NIM1K: variants seen among roughly 807,000 people sequenced by gnomAD.
NIM1K encodes the protein NIM1 serine/threonine protein kinase, also known as serine/threonine-protein kinase NIM1.
A neutral mutation model predicts 37.1 loss-of-function variants in NIM1K; 35 were observed. The observed-to-expected ratio is 0.94, with a 90% CI of 0.72 to 1.25. The LOEUF (loss-of-function observed/expected upper bound fraction) is 1.25, where lower values mean the gene tolerates loss of function less well. Among genes scored for constraint, NIM1K ranks in the 50% most tolerant of loss-of-function variants. NIM1K has a pLI of 0.00. For missense variants in NIM1K, 564 were observed against 548.0 expected, an observed-to-expected ratio of 1.03 and a Z score of -0.29; for synonymous variants, 234 against 206.6, an observed-to-expected ratio of 1.13 and a Z score of -1.14.
intron 2 of NIM1K, among the ~76,000 whole-genome samples, chr5:43,273,824 C>G (rs1051313946): frequency 2.6e-5 from 4 of 152,172 alleles, no homozygotes; most frequent in Non-Finnish European, 5.9e-5. Context: ...CCTTTCCATT[C>G]TCTGTCTGTA....
At chr5:43,254,996 CAT>C (rs1752919178) in intron 2 of NIM1K, among the ~76,000 whole-genome samples, 1 of 152,050 alleles carries the variant, frequency 6.6e-6, no homozygotes, top group Non-Finnish European at 1.5e-5. Flanking sequence ...AAAAATAAAT[CAT>C]ATATTGGAAA....
chr5:43,261,246 A>G (rs1243856533), intron 2 of NIM1K, among the ~76,000 whole-genome samples: 1 of 152,126 alleles, frequency 6.6e-6, no homozygotes, highest in Non-Finnish European at 1.5e-5. Context: ...AAGTGTTCCT[A>G]TTTATCCACA....
rs17302931 is a variant in NIM1K, at chr5:43,192,351, A to C, written c.-755A>C. On this transcript the variant is annotated 5_prime_UTR_variant, in exon 1 of 4. Coordinates refer to ENST00000326035, the MANE Select transcript of NIM1K (RefSeq NM_153361.4). ...CGACCGCTCCTGCTCCAGAGGCAACAACCCAGCGCGCCTAGCCTGGCGCCG... is the reference window on the plus strand; with the variant it reads ...CGACCGCTCCTGCTCCAGAGGCAACCACCCAGCGCGCCTAGCCTGGCGCCG... The C allele has an allele frequency of 0.097, 14,748 of 152,432 alleles. 850 individuals are homozygous for C. The highest frequency in any genetic ancestry group is 0.19 in the East Asian group (961 of 5,138). 9.4% of individuals were successfully genotyped at this position (152,432 alleles called of 1,614,324 possible).
intron 2 of NIM1K, among the ~76,000 whole-genome samples, chr5:43,271,967 C>T (rs1487487044): frequency 2.0e-5 from 3 of 152,104 alleles, no homozygotes; most frequent in African/African-American, 4.8e-5. Flanking sequence ...CCATACTTCT[C>T]GGGCAATTCA....
At chr5:43,206,186 G>A (rs1752107393) in intron 1 of NIM1K, among the ~76,000 whole-genome samples, 1 of 152,028 alleles carries the variant, frequency 6.6e-6, no homozygotes, top group African/African-American at 2.4e-5. Context: ...GAGTTCAGTG[G>A]AAATACTGAG....
At position 43,206,672 on chromosome 5, in the gene NIM1K, G is replaced by T. The variant is rs1162392238; in HGVS notation, c.-695+14261G>T. The T allele has an allele frequency of 1.6e-5, 11 of 689,816 alleles. No homozygotes were observed. In the Admixed American group the frequency reaches 2.2e-4, roughly 14 times the overall value. 42.7% of individuals were successfully genotyped at this position (689,816 alleles called of 1,614,324 possible). On this transcript the variant is annotated intron_variant, in intron 1 of 3. Transcript: ENST00000326035. ...CTGACTCGGCCCCCCAGTCTCCCAA[G>T]GCCACTCCCCCAGGTATGGCACAGG...
chr5:43,236,493 C>CA (rs1752623577), intron 1 of NIM1K, among the ~76,000 whole-genome samples: 1 of 152,018 alleles, frequency 6.6e-6, no homozygotes, highest in Admixed American at 6.6e-5. Context: ...CAGAGTTTAC[C>CA]AAAAAATTCT....
In NIM1K at chr5:43,275,964, G is replaced by A. The variant is rs187548263; in HGVS notation, c.293-1093G>A. ...TACCTAGGCTGGAGAGCAGTGGTGC[G>A]ATCTCGGCTCACTGCAACCTCTGCC... On this transcript the variant is annotated intron_variant, in intron 2 of 3. Coordinates refer to ENST00000326035, the MANE Select transcript of NIM1K (RefSeq NM_153361.4). Among the ~76,000 whole-genome samples, 450 of 148,716 alleles carry A rather than the reference G, an allele frequency of 3.0e-3. 1 individual carries two copies. The highest frequency in any genetic ancestry group is 4.8e-3 in the Non-Finnish European group (326 of 67,608).
Position 43,280,366 on chromosome 5 carries a change from C to A in NIM1K, c.948C>A (p.Ile316=). The A allele has an allele frequency of 3.7e-6, 6 of 1,614,160 alleles. No homozygotes were observed. The highest frequency in any genetic ancestry group is 5.1e-6 in the Non-Finnish European group (6 of 1,180,032). ...AGATCCCCACGGAGAGGTACGGAAT[C>A]GACTGCATCATGAATGATGAATGGA... ...LQQIPTERYG[I]DCIMNDEWMQ... is the part of the protein sequence containing the mutation. Residue 316 remains isoleucine, a synonymous_variant, in exon 4 of 4, where the codon ATC becomes ATA. Transcript: ENST00000326035.
At position 43,245,361 on chromosome 5, in the gene NIM1K, A is replaced by T. The variant is rs567735407; in HGVS notation, c.-415A>T. ...GGGCATTTACGCACCAGAGTGCAAG[A>T]TTCTCTGGCCATCAAGGGAAATAGC... On this transcript the variant is annotated 5_prime_UTR_variant, in exon 2 of 4. Coordinates refer to ENST00000326035, the MANE Select transcript of NIM1K (RefSeq NM_153361.4). 6.4e-6 allele frequency: 1 copy of T among 157,434 alleles called. No individual in the cohort carries two copies. Among genetic ancestry groups the T allele is most frequent in the Non-Finnish European group, 1.4e-5 (1 of 71,690 alleles). 9.8% of individuals were successfully genotyped at this position (157,434 alleles called of 1,614,324 possible).
chr5:43,195,191 G>A (rs1013075932), intron 1 of NIM1K, among the ~76,000 whole-genome samples: 4 of 152,110 alleles, frequency 2.6e-5, no homozygotes, highest in Non-Finnish European at 5.9e-5. Context: ...TAATTTTCAG[G>A]AGAAGAAGAA....
intron 2 of NIM1K, among the ~76,000 whole-genome samples, chr5:43,268,471 T>C (rs190900831): frequency 5.9e-5 from 9 of 152,158 alleles, no homozygotes; most frequent in Admixed American, 3.9e-4. Flanking sequence ...GAAGCTGTCC[T>C]CTTGTGCTGA....
intron 1 of NIM1K, among the ~76,000 whole-genome samples, chr5:43,227,322 T>C (rs577951763): frequency 2.6e-5 from 4 of 151,792 alleles, no homozygotes; most frequent in East Asian, 1.9e-4. Context: ...ATTGCGCCAT[T>C]GCACTCCAGC....
chr5:43,206,898 C>T, intron 1 of NIM1K: 1 of 768,368 alleles, frequency 1.3e-6, no homozygotes, highest in Non-Finnish European at 2.4e-6. Flanking sequence ...GAGAATTTAC[C>T]CACATGGATT....
chr5:43,253,214 G>GTAATATATAATATAATATATAATATAATA lies in NIM1K; in HGVS notation c.292+7148_292+7149insAATATATAATATAATATATAATATAATAT, dbSNP rs1561088059. 7.2e-3 allele frequency among the ~76,000 whole-genome samples: 203 copies of GTAATATATAATATAATATATAATATAATA among 28,270 alleles called. 1 individual carries two copies. The highest frequency in any genetic ancestry group is 0.02 in the African/African-American group (200 of 10,096). The allele number at this position is 28,270 out of a possible 152,430, so 18.5% of individuals were successfully genotyped here. On this transcript the variant is annotated intron_variant, in intron 2 of 3. Transcript: ENST00000326035. ...TAATATAATATATAATATAATATAT[G>GTAATATATAATATAATATATAATATAATA]TGTGTGTGTGTGTGTGTGTGTGTGT... is the stretch of plus-strand genomic sequence containing the variant.
intron 1 of NIM1K, among the ~76,000 whole-genome samples, chr5:43,214,491 A>C (rs933929588): frequency 6.6e-6 from 1 of 152,148 alleles, no homozygotes; most frequent in Non-Finnish European, 1.5e-5. Flanking sequence ...GTCCAATTAC[A>C]TGAATAGTGA....
At chr5:43,239,946 C>A (rs1355097403) in intron 1 of NIM1K, among the ~76,000 whole-genome samples, 1 of 152,020 alleles carries the variant, frequency 6.6e-6, no homozygotes, top group African/African-American at 2.4e-5. Context: ...TAAAAGCAAT[C>A]CATTAGATAT....
At chr5:43,243,375 C>A (rs1752731968) in intron 1 of NIM1K, among the ~76,000 whole-genome samples, 1 of 152,092 alleles carries the variant, frequency 6.6e-6, no homozygotes, top group African/African-American at 2.4e-5. Context: ...TGCCACTTGA[C>A]CTTCACAGAG....
At chr5:43,199,204 A>AAAAAAAAAAAAAAAATATAT (rs1200134957) in intron 1 of NIM1K, among the ~76,000 whole-genome samples, 5 of 94,072 alleles carry the variant, frequency 5.3e-5, no homozygotes, top group Non-Finnish European at 1.0e-4. Context: ...AAAAAAAAAA[A>AAAAAAAAAAAAAAAATATAT]ATATATATAT....
Sources: allele counts gnomAD v4.1 joint callset (sites outside exome capture counted in the v4.1 genomes callset), GRCh38; gene constraint gnomAD v4.1.1; transcripts MANE v1.5; gene names NCBI Gene and HGNC (gene_info 2026-07-23, HGNC 2026-07-21).